Variants in NLGN1 observed in about 807,000 individuals in gnomAD.
NLGN1 encodes the protein neuroligin 1, also known as neuroligin-1.
A neutral mutation model predicts 65.5 loss-of-function variants in NLGN1; 12 were observed. That is an observed-to-expected ratio of 0.18 (90% CI 0.12 to 0.30). The LOEUF (loss-of-function observed/expected upper bound fraction) is 0.30. Ranked by LOEUF, NLGN1 falls within the 10% of genes least tolerant of loss-of-function variation. The probability of loss-of-function intolerance (pLI) is 1.00; values close to 1 mark genes in which losing one functional copy is unlikely to be tolerated. For missense variants in NLGN1, 750 were observed against 1,007.1 expected (o/e 0.74, Z 3.46); for synonymous variants, 350 against 359.5 (o/e 0.97, Z 0.30).
Position 173,861,832 on chromosome 3 carries a change from C to T in NLGN1, c.646+54000C>T, listed in dbSNP as rs150241548. Among the ~76,000 whole-genome samples the T allele has an allele frequency of 1.1e-3, 167 of 149,632 alleles. 1 individual carries two copies. Among genetic ancestry groups the T allele is most frequent in the African/African-American group, 3.8e-3 (156 of 40,572 alleles). ...GGAGTGCAGTGGTGTGATCTCGGCT[C>T]ACTGCAGCCTCCACCTCCTGGGTTC... On this transcript the variant is annotated intron_variant, in intron 4 of 6. Coordinates refer to ENST00000457714, the Ensembl canonical transcript of NLGN1.
chr3:174,172,484 G>A (rs1367478026), intron 4 of NLGN1, among the ~76,000 whole-genome samples: 1 of 112,194 alleles, frequency 8.9e-6, no homozygotes, highest in Admixed American at 7.8e-5. Context: ...AATTTGATGT[G>A]ATTTTTGTAT....
chr3:173,752,862 T>C (rs571370939), intron 3 of NLGN1, among the ~76,000 whole-genome samples: 1 of 152,230 alleles, frequency 6.6e-6, no homozygotes, highest in African/African-American at 2.4e-5. Flanking sequence ...CTCAGCTGTT[T>C]ACTTTGCTTC....
chr3:173,451,477 G>A (rs900914230), intron 2 of NLGN1, among the ~76,000 whole-genome samples: 8 of 152,194 alleles, frequency 5.3e-5, no homozygotes, highest in Non-Finnish European at 2.9e-5. Context: ...CCTAATGGGG[G>A]GTGCCTCCCA....
intron 4 of NLGN1, among the ~76,000 whole-genome samples, chr3:173,887,759 T>C (rs1417254519): frequency 6.6e-6 from 1 of 151,946 alleles, no homozygotes; most frequent in Admixed American, 6.6e-5. Context: ...TAACCAGCTC[T>C]AAAAGGGATC....
chr3:173,642,089 G>A (rs1459578855), intron 3 of NLGN1, among the ~76,000 whole-genome samples: 6 of 150,310 alleles, frequency 4.0e-5, no homozygotes. Flanking sequence ...TTCTGTTCTG[G>A]CCAAAATGGA....
At chr3:174,071,842 T>C (rs1739953810) in intron 4 of NLGN1, among the ~76,000 whole-genome samples, 1 of 152,198 alleles carries the variant, frequency 6.6e-6, no homozygotes, top group South Asian at 2.1e-4. Flanking sequence ...GAAACCGTAT[T>C]CTGTGAGAAA....
chr3:173,977,909 G>A (rs1253865320), intron 4 of NLGN1, among the ~76,000 whole-genome samples: 1 of 152,050 alleles, frequency 6.6e-6, no homozygotes, highest in African/African-American at 2.4e-5. Flanking sequence ...GTGAGAAAAG[G>A]AGAGAGAGCT....
chr3:173,492,383 T>C lies in NLGN1; in HGVS notation c.-321+57305T>C, dbSNP rs140194367. Among the ~76,000 whole-genome samples the C allele has an allele frequency of 2.0e-3, 301 of 151,924 alleles. 11 individuals carry two copies. The highest frequency in any genetic ancestry group is 7.1e-3 in the African/African-American group (294 of 41,258). On this transcript the variant is annotated intron_variant, in intron 2 of 6. Coordinates refer to ENST00000457714, the Ensembl canonical transcript of NLGN1. Reference sequence around the variant, plus strand: ...CTTCTTAGATATATTGCTTAATTCATTTATGGTTAGGGTTCTAGGCATATT... The same window carrying C: ...CTTCTTAGATATATTGCTTAATTCACTTATGGTTAGGGTTCTAGGCATATT...
intron 2 of NLGN1, among the ~76,000 whole-genome samples, chr3:173,490,688 A>G (rs1329580858): frequency 2.0e-5 from 3 of 152,274 alleles, no homozygotes; most frequent in African/African-American, 7.2e-5. Context: ...CTTGGGCAGT[A>G]TGGCGATTTT....
chr3:173,999,641 G>A (rs1439846652), intron 4 of NLGN1, among the ~76,000 whole-genome samples: 2 of 152,102 alleles, frequency 1.3e-5, no homozygotes, highest in Admixed American at 1.3e-4. Context: ...ATTTTGGGAA[G>A]CTACTTCTTC....
chr3:174,282,140 G>T (rs1328518948), exon 7 of NLGN1: 1 of 152,204 alleles, frequency 6.6e-6, no homozygotes, highest in Non-Finnish European at 1.5e-5. Flanking sequence ...AGGTATAGTG[G>T]TGAATACTCG....
At position 174,279,011 on chromosome 3, in the gene NLGN1, A is replaced by C; in HGVS notation, c.1010A>C (p.Lys337Thr). The change falls in exon 6 of 7, where the codon AAG becomes ACG. Residue 337 changes from lysine to threonine, a missense_variant. Physicochemically the swap from Lys to Thr is moderately conservative, Grantham distance 78. Transcript: ENST00000457714. This position sits in a 1 kb window ranked among gnomAD's most constrained non-coding sequence, Gnocchi z 4.7. ...GAGTTAGTGGAATGCCTACAGAAGA[A>C]GCCTTACAAAGAACTTGTTGACCAA... The C allele has an allele frequency of 6.2e-7, 1 of 1,600,646 alleles. No homozygotes were observed. The highest frequency in any genetic ancestry group is 1.1e-5 in the South Asian group (1 of 88,622).
In NLGN1 at chr3:173,956,844, A is replaced by G. The variant is rs142299416; in HGVS notation, c.646+149012A>G. ...CTAAGAAAGATTAGTAAAATCCTACATAGTAAACAGCTCACAGACTTCTAT... is the reference window on the plus strand; with the variant it reads ...CTAAGAAAGATTAGTAAAATCCTACGTAGTAAACAGCTCACAGACTTCTAT... On this transcript the variant is annotated intron_variant, in intron 4 of 6. Coordinates refer to ENST00000457714, the Ensembl canonical transcript of NLGN1. Among the ~76,000 whole-genome samples, 494 of 152,322 alleles carry G rather than the reference A, an allele frequency of 3.2e-3. 2 individuals carry two copies. Among genetic ancestry groups the G allele is most frequent in the African/African-American group, 0.011 (463 of 41,576 alleles).
chr3:173,874,864 GA>G, intron 4 of NLGN1, among the ~76,000 whole-genome samples: 1 of 152,284 alleles, frequency 6.6e-6, no homozygotes, highest in Non-Finnish European at 1.5e-5. Flanking sequence ...GCAAGGAAGT[GA>G]AAAGAAGGAA....
At chr3:174,063,096 A>G (rs766166144) in intron 4 of NLGN1, among the ~76,000 whole-genome samples, 1 of 152,160 alleles carries the variant, frequency 6.6e-6, no homozygotes, top group Non-Finnish European at 1.5e-5. Context: ...ATCTAACATG[A>G]TAATGTTGGA....
chr3:173,581,740 A>AT (rs934801318), intron 2 of NLGN1, among the ~76,000 whole-genome samples: 27 of 151,948 alleles, frequency 1.8e-4, no homozygotes, highest in Non-Finnish European at 5.9e-5. Context: ...TTGATATTTC[A>AT]TTTTTTCAGA....
intron 5 of NLGN1, among the ~76,000 whole-genome samples, chr3:174,276,137 A>G (rs1043493119): frequency 6.6e-6 from 1 of 151,894 alleles, no homozygotes; most frequent in Admixed American, 6.6e-5. Flanking sequence ...TTTTAACTCC[A>G]AAAGCATTAT....
chr3:173,397,895 A>G (rs893510198), upstream of NLGN1: 6 of 152,164 alleles, frequency 3.9e-5, no homozygotes, highest in African/African-American at 7.2e-5. Flanking sequence ...CGAGCCGGAG[A>G]GACCGGAGAG....
At chr3:173,842,544 C>T (rs1724985267) in intron 4 of NLGN1, among the ~76,000 whole-genome samples, 1 of 152,108 alleles carries the variant, frequency 6.6e-6, no homozygotes, top group East Asian at 1.9e-4. Flanking sequence ...ACAGCCATTC[C>T]AAAGTGGAGA....
Sources: gnomAD v4.1 joint callset for allele counts (sites outside exome capture counted in the v4.1 genomes callset) on GRCh38, gnomAD v4.1.1 for gene constraint, Gnocchi (gnomAD v3.1) non-coding constraint, MANE v1.5 for transcripts, NCBI Gene and HGNC (gene_info 2026-07-23, HGNC 2026-07-21) for gene names.